CDH7: variants seen among roughly 807,000 people sequenced by gnomAD.
CDH7 encodes cadherin 7.
Under a neutral mutation model 71.8 loss-of-function variants are expected in CDH7, and 25 were observed. The observed-to-expected ratio is 0.35, with a 90% CI of 0.25 to 0.49. The LOEUF (loss-of-function observed/expected upper bound fraction) is 0.49, where lower values mean the gene tolerates loss of function less well. Among genes scored for constraint, CDH7 ranks in the 20% least tolerant of loss-of-function variants. CDH7 has a pLI of 0.99. For missense variants in CDH7, 862 were observed against 974.6 expected, an observed-to-expected ratio of 0.88 and a Z score of 1.54; for synonymous variants, 381 against 363.8, an observed-to-expected ratio of 1.05 and a Z score of -0.54.
intron 2 of CDH7, among the ~76,000 whole-genome samples, chr18:65,781,866 CTCT>C (rs1910243923): frequency 1.7e-5 from 1 of 59,710 alleles, no homozygotes; most frequent in African/African-American, 9.7e-5. Flanking sequence ...TTCTTTCTTT[CTCT>C]CTCTCTCTCT....
intron 1 of CDH7, among the ~76,000 whole-genome samples, chr18:65,756,993 T>C (rs1916047540): frequency 6.6e-6 from 1 of 152,088 alleles, no homozygotes; most frequent in South Asian, 2.1e-4. Context: ...GAACAGGTTT[T>C]GGAAGACTCG....
chr18:65,866,308 AAAAAAAC>A (rs1913752110), intron 11 of CDH7: 5 of 3,666 alleles, frequency 1.4e-3, no homozygotes, highest in African/African-American at 2.2e-3. Context: ...CAAAAAAAAA[AAAAAAAC>A]AAAAAAAAAA....
chr18:65,889,546 C>A lies in CDH7; in HGVS notation c.*8652C>A, dbSNP rs1914454322. 1 of 152,130 alleles carries A rather than the reference C, an allele frequency of 6.6e-6. No individual in the cohort carries two copies. The highest frequency in any genetic ancestry group is 1.5e-5 in the Non-Finnish European group (1 of 68,024). 9.4% of individuals were successfully genotyped at this position (152,130 alleles called of 1,614,324 possible). A position where few individuals can be genotyped will look rare whatever the true frequency, so the allele number is the denominator to read the frequency against. Reference sequence around the variant, plus strand: ...CATGAAGGAGATGGTTCATAGAAATCTCCAAGAACTTCAGATAATTCAGGT... The same window carrying A: ...CATGAAGGAGATGGTTCATAGAAATATCCAAGAACTTCAGATAATTCAGGT... On this transcript the variant is annotated 3_prime_UTR_variant, in exon 12 of 12. Coordinates refer to ENST00000397968, the MANE Select transcript of CDH7 (RefSeq NM_004361.5).
chr18:65,785,531 T>A (rs1910482297), intron 2 of CDH7, among the ~76,000 whole-genome samples: 2 of 151,956 alleles, frequency 1.3e-5, no homozygotes, highest in Admixed American at 6.6e-5. Context: ...TAGCCTGCAT[T>A]CTAAGACAGC....
At chr18:65,862,149 G>A (rs897219792) in intron 10 of CDH7, among the ~76,000 whole-genome samples, 1 of 151,800 alleles carries the variant, frequency 6.6e-6, no homozygotes, top group African/African-American at 2.4e-5. Flanking sequence ...AAAATTTTAC[G>A]ATAAAATTCT....
intron 11 of CDH7, among the ~76,000 whole-genome samples, 173 bp from the exon 12 acceptor site, chr18:65,880,228 T>G (rs1169529365): frequency 1.3e-5 from 2 of 152,268 alleles, no homozygotes; most frequent in Middle Eastern, 6.8e-3. Flanking sequence ...TTAAAGCCAC[T>G]TTAGCAATTT....
chr18:65,795,043 T>A (rs1910860236), intron 2 of CDH7, among the ~76,000 whole-genome samples: 1 of 151,892 alleles, frequency 6.6e-6, no homozygotes, highest in East Asian at 1.9e-4. Flanking sequence ...GTTGCAAATA[T>A]GAAGTAAAGT....
Position 65,809,991 on chromosome 18 carries a change from T to C in CDH7, c.498T>C (p.Ser166=). 12 of 1,609,128 alleles carry C rather than the reference T, an allele frequency of 7.5e-6. No individual in the cohort carries two copies. Among genetic ancestry groups the C allele is most frequent in the Non-Finnish European group, 1.0e-5 (12 of 1,175,900 alleles). Reference sequence around the variant, plus strand: ...ACACGGCAGGAGTTCCCGAAATGTCTCCCGTGGGTAAGTAAAGAACACTCT... The same window carrying C: ...ACACGGCAGGAGTTCCCGAAATGTCCCCCGTGGGTAAGTAAAGAACACTCT... The part of the protein sequence containing the change: ...GPYTAGVPEM[S]PVGTSVVQVT... Residue 166 remains serine (S), a synonymous_variant, in exon 3 of 12, where the codon TCT becomes TCC. Transcript: ENST00000397968.
At chr18:65,836,576 AACCT>A (rs1912539372) in intron 6 of CDH7, among the ~76,000 whole-genome samples, 2 of 152,046 alleles carry the variant, frequency 1.3e-5, no homozygotes, top group Non-Finnish European at 2.9e-5. Flanking sequence ...ATTTTGTTTC[AACCT>A]ACCTTTGGAG....
intron 4 of CDH7, among the ~76,000 whole-genome samples, chr18:65,819,026 A>G (rs370185049): frequency 6.6e-6 from 1 of 152,060 alleles, no homozygotes; most frequent in Non-Finnish European, 1.5e-5. Context: ...TCCAGACAGG[A>G]TAAAGTGAAA....
chr18:65,760,358 C>T (rs900755917), intron 1 of CDH7, among the ~76,000 whole-genome samples: 8 of 152,040 alleles, frequency 5.3e-5, no homozygotes, highest in Admixed American at 2.0e-4. Flanking sequence ...AATATTTATC[C>T]GATGCAGACA....
At chr18:65,774,776 G>A (rs1909875640) in intron 2 of CDH7, among the ~76,000 whole-genome samples, 1 of 152,088 alleles carries the variant, frequency 6.6e-6, no homozygotes, top group Non-Finnish European at 1.5e-5. Flanking sequence ...CCCTGATGAT[G>A]CAGGATCATG....
intron 3 of CDH7, 85 bp from the exon 4 acceptor site, chr18:65,814,400 A>T: frequency 7.0e-7 from 1 of 1,431,044 alleles, no homozygotes; most frequent in South Asian, 1.2e-5. Context: ...AATAAGCTTA[A>T]TGTGGAATCA....
intron 2 of CDH7, among the ~76,000 whole-genome samples, chr18:65,783,169 A>G (rs1910377080): frequency 6.6e-6 from 1 of 152,212 alleles, no homozygotes; most frequent in Non-Finnish European, 1.5e-5. Flanking sequence ...AATAAATATC[A>G]ACTCTATCTA....
chr18:65,757,381 T>A (rs1165458976), intron 1 of CDH7, among the ~76,000 whole-genome samples: 1 of 152,204 alleles, frequency 6.6e-6, no homozygotes, highest in Non-Finnish European at 1.5e-5. Context: ...TTTTTACCTC[T>A]TGTTTTTTCT....
At chr18:65,754,144 C>T (rs115653000) in intron 1 of CDH7, among the ~76,000 whole-genome samples, 77 of 152,228 alleles carry the variant, frequency 5.1e-4, no homozygotes, top group African/African-American at 1.6e-3. Flanking sequence ...TTTTAATTTA[C>T]GAATGTTTCT....
At chr18:65,843,636 G>A (rs1036593775) in intron 6 of CDH7, among the ~76,000 whole-genome samples, 176 bp from the exon 7 acceptor site, 2 of 152,088 alleles carry the variant, frequency 1.3e-5, no homozygotes, top group Non-Finnish European at 2.9e-5. Flanking sequence ...CATTGTTTGT[G>A]AGCCAGGAAA....
chr18:65,844,318 A>G (rs1194140674), intron 7 of CDH7, among the ~76,000 whole-genome samples: 1 of 151,656 alleles, frequency 6.6e-6, no homozygotes, highest in East Asian at 1.9e-4. Flanking sequence ...CACAAGCCAT[A>G]GCTGATGTTT....
At chr18:65,772,274 G>T (rs185937270) in intron 2 of CDH7, among the ~76,000 whole-genome samples, 2 of 152,116 alleles carry the variant, frequency 1.3e-5, no homozygotes, top group Non-Finnish European at 2.9e-5. Context: ...TGTGTATGGA[G>T]AAGAAAAGAT....
Sources: gnomAD v4.1 joint callset for allele counts (sites outside exome capture counted in the v4.1 genomes callset) on GRCh38, gnomAD v4.1.1 for gene constraint, MANE v1.5 for transcripts, NCBI Gene and HGNC (gene_info 2026-07-23, HGNC 2026-07-21) for gene names.